ACLY: variants seen among roughly 807,000 people sequenced by gnomAD.
ACLY encodes the protein ATP-citrate synthase.
ACLY carries 41 observed loss-of-function variants against 133.0 expected under a neutral mutation model. The ratio of observed to expected loss-of-function variants is 0.31; its 90% CI spans 0.24 to 0.40. The LOEUF (loss-of-function observed/expected upper bound fraction) is 0.40. Ranked by LOEUF, ACLY falls within the 10% of genes least tolerant of loss-of-function variation. ACLY has a pLI of 1.00. For missense variants in ACLY, 1,046 were observed against 1,453.8 expected (o/e 0.72, Z 4.56); for synonymous variants, 495 against 549.3 (o/e 0.90, Z 1.38).
chr17:41,891,117 C>T (rs1182878650), intron 16 of ACLY, among the ~76,000 whole-genome samples: 2 of 152,140 alleles, frequency 1.3e-5, no homozygotes, highest in African/African-American at 4.8e-5. Flanking sequence ...ACACTGCAAC[C>T]TCAACCTCCT....
chr17:41,889,305 G>A (rs2049137784), intron 16 of ACLY, among the ~76,000 whole-genome samples: 1 of 151,652 alleles, frequency 6.6e-6, no homozygotes, highest in African/African-American at 2.4e-5. Flanking sequence ...GATCACCTGA[G>A]GCCTGGAGTT....
chr17:41,923,944 G>A (rs1389284193), upstream of ACLY, among the ~76,000 whole-genome samples: 2 of 151,856 alleles, frequency 1.3e-5, no homozygotes, highest in African/African-American at 4.8e-5. Flanking sequence ...CTGAGTAGCT[G>A]GGATTACAGG....
intron 26 of ACLY, 152 bp from the exon 27 acceptor site, chr17:41,869,277 A>G: frequency 2.4e-6 from 2 of 850,012 alleles, no homozygotes; most frequent in South Asian, 1.7e-5. Flanking sequence ...ACTCAGTTCA[A>G]TTCCCAGCAT....
chr17:41,898,857 A>G, intron 11 of ACLY, 72 bp from the exon 12 acceptor site: 1 of 1,482,206 alleles, frequency 6.7e-7, no homozygotes, highest in Non-Finnish European at 9.2e-7. Flanking sequence ...TGACCCTGCA[A>G]AGGGCCTTTT....
At chr17:41,926,821 A>G (rs1162212813) in intron 1 of ACLY, among the ~76,000 whole-genome samples, 1 of 152,020 alleles carries the variant, frequency 6.6e-6, no homozygotes, top group Non-Finnish European at 1.5e-5. Context: ...TTCTTAATAT[A>G]TAATTAATGT....
intron 22 of ACLY, among the ~76,000 whole-genome samples, chr17:41,875,590 C>T (rs1361522992): frequency 8.6e-5 from 13 of 151,278 alleles, no homozygotes; most frequent in Non-Finnish European, 1.8e-4. Flanking sequence ...TGCAGGCGCG[C>T]GCCGCCACGC....
chr17:41,910,200 C>G (rs1555633418), intron 4 of ACLY, 22 bp downstream of exon 4: 6 of 1,610,938 alleles, frequency 3.7e-6, no homozygotes, highest in South Asian at 1.1e-5. Context: ...GAAGACCCAG[C>G]CTGGAGCCGC....
chr17:41,890,157 T>C (rs1403627787), intron 16 of ACLY, among the ~76,000 whole-genome samples: 5 of 152,146 alleles, frequency 3.3e-5, no homozygotes, highest in African/African-American at 1.2e-4. Context: ...ATTATATGAG[T>C]GGCATACAGT....
upstream of ACLY, among the ~76,000 whole-genome samples, chr17:41,922,641 T>A (rs2050196695): frequency 6.6e-6 from 1 of 152,204 alleles, no homozygotes; most frequent in African/African-American, 2.4e-5. Flanking sequence ...CGTATGTGCA[T>A]GACGAAGATA....
intron 22 of ACLY, among the ~76,000 whole-genome samples, chr17:41,874,619 G>A (rs2048685244): frequency 6.8e-6 from 1 of 147,160 alleles, no homozygotes; most frequent in South Asian, 2.2e-4. Flanking sequence ...TGTCGCCCAG[G>A]CTGGAGTGCA....
intron 7 of ACLY, among the ~76,000 whole-genome samples, chr17:41,907,185 G>A (rs1363408654): frequency 6.6e-6 from 1 of 152,170 alleles, no homozygotes; most frequent in Non-Finnish European, 1.5e-5. Flanking sequence ...TGGAATCATG[G>A]AGAGGCAACA....
intron 20 of ACLY, 73 bp downstream of exon 20, chr17:41,883,049 T>C: frequency 8.1e-7 from 1 of 1,236,380 alleles, no homozygotes; most frequent in Non-Finnish European, 1.2e-6. Context: ...ATAAGATGAT[T>C]ACCTGGTTCG....
At chr17:41,913,583 G>T in intron 2 of ACLY, 132 bp downstream of exon 2, 1 of 953,132 alleles carries the variant, frequency 1.0e-6, no homozygotes, top group Non-Finnish European at 1.6e-6. Context: ...CTCAGCCCAT[G>T]GCATGCTTCC....
At chr17:41,909,112 C>T in intron 5 of ACLY, 44 bp from the exon 6 acceptor site, 1 of 1,490,586 alleles carries the variant, frequency 6.7e-7, no homozygotes, top group South Asian at 1.2e-5. Flanking sequence ...CATCAGGGAG[C>T]AGCTCGGCAG....
rs2048815414 is a variant in ACLY at position 41,878,307 on chromosome 17, C to T, written c.2394-111G>A. The T allele has an allele frequency of 1.4e-5, 9 of 639,344 alleles. No homozygotes were observed. The South Asian group carries it at 2.6e-4, about 19-fold the overall frequency. The allele number at this position is 639,344 out of a possible 1,614,324, so 39.6% of individuals were successfully genotyped here. A position where few individuals can be genotyped will look rare whatever the true frequency, so the allele number is the denominator to read the frequency against. On this transcript the variant is annotated intron_variant, in intron 21 of 28. Transcript: ENST00000352035. ...CAAACACTGTAGGTTTCTTAGTTTA[C>T]TCTTACCTGCTGAATTCTGAGAACT... is the stretch of plus-strand genomic sequence containing the variant.
chr17:41,920,564 C>A (rs1458258957), upstream of ACLY, among the ~76,000 whole-genome samples: 1 of 144,204 alleles, frequency 6.9e-6, no homozygotes, highest in Non-Finnish European at 1.5e-5. Context: ...GCACTCCAAC[C>A]TGGGTGACAG....
chr17:41,912,613 T>C (rs2049937705), intron 2 of ACLY, 71 bp from the exon 3 acceptor site: 7 of 1,584,792 alleles, frequency 4.4e-6, no homozygotes, highest in Admixed American at 1.7e-5. Context: ...GGGATCCAAA[T>C]AGAGGACAGC....
At chr17:41,907,709 G>C in intron 6 of ACLY, 137 bp from the exon 7 acceptor site, 2 of 967,582 alleles carry the variant, frequency 2.1e-6, no homozygotes, top group East Asian at 2.6e-5. Context: ...TAAGAAACCA[G>C]AGAGGCCCTT....
intron 18 of ACLY, 61 bp from the exon 19 acceptor site, chr17:41,884,335 A>C: frequency 2.7e-6 from 3 of 1,107,250 alleles, no homozygotes; most frequent in Non-Finnish European, 4.2e-6. Context: ...AAGTGTGTAC[A>C]GGGTTAGGAA....
Sources: gnomAD v4.1 joint callset for allele counts (sites outside exome capture counted in the v4.1 genomes callset) on GRCh38, gnomAD v4.1.1 for gene constraint, MANE v1.5 for transcripts, NCBI Gene and HGNC (gene_info 2026-07-23, HGNC 2026-07-21) for gene names.